CHEK2: variants seen among roughly 807,000 people sequenced by gnomAD.
CHEK2 encodes serine/threonine-protein kinase Chk2.
Under a neutral mutation model 69.1 loss-of-function variants are expected in CHEK2, and 71 were observed. The observed-to-expected ratio is 1.03, with a 90% confidence interval of 0.85 to 1.25. CHEK2 has a LOEUF of 1.25. CHEK2 is among the 50% of genes most tolerant of loss of function. CHEK2 has a pLI of 0.00. For missense variants in CHEK2, 664 were observed against 649.6 expected (o/e 1.02, Z -0.24); for synonymous variants, 189 against 226.9 (o/e 0.83, Z 1.50).
At chr22:28,740,266 C>G (rs2054518084) in intron 1 of CHEK2, among the ~76,000 whole-genome samples, 1 of 152,192 alleles carries the variant, frequency 6.6e-6, no homozygotes, top group Admixed American at 6.6e-5. Context: ...TTAGTCCTCA[C>G]AAGAAAATTC....
chr22:28,709,801 A>G (rs1358931204), intron 7 of CHEK2, among the ~76,000 whole-genome samples: 1 of 152,006 alleles, frequency 6.6e-6, no homozygotes, highest in African/African-American at 2.4e-5. Flanking sequence ...TATTTTTAGT[A>G]GACAGGGTTT....
At chr22:28,730,596 G>A (rs1245089433) in intron 2 of CHEK2, 8 of 647,528 alleles carry the variant, frequency 1.2e-5, no homozygotes, top group Admixed American at 2.1e-5. Flanking sequence ...GGTGGCTCAT[G>A]CCTGTAATCC....
chr22:28,722,869 G>C (rs1421686806), intron 4 of CHEK2, among the ~76,000 whole-genome samples: 2 of 152,014 alleles, frequency 1.3e-5, no homozygotes, highest in African/African-American at 4.8e-5. Context: ...GACTCATGCC[G>C]CAGCCCCTAG....
At chr22:28,699,368 T>C (rs905253223) in intron 9 of CHEK2, among the ~76,000 whole-genome samples, 25 of 137,944 alleles carry the variant, frequency 1.8e-4, no homozygotes, top group Admixed American at 6.6e-4. Flanking sequence ...TTTTCTTTTT[T>C]TTTTTTTTTT....
In CHEK2 at chr22:28,687,887, A is replaced by C. The variant is rs2052178966; in HGVS notation, c.*10T>G. ...GAAGGTACATTTCTTTCGTGTTCAA[A>C]CCACGGAGTTCACAACACAGCAGCA... On this transcript the variant is annotated 3_prime_UTR_variant, in exon 15 of 15. Transcript: ENST00000404276. 5 of 1,592,934 alleles carry C rather than the reference A, an allele frequency of 3.1e-6. No homozygotes were observed. Among genetic ancestry groups the C allele is most frequent in the Non-Finnish European group, 4.2e-6 (5 of 1,176,558 alleles).
At chr22:28,712,930 A>G (rs1456213163) in intron 5 of CHEK2, among the ~76,000 whole-genome samples, 5 of 152,274 alleles carry the variant, frequency 3.3e-5, no homozygotes, top group African/African-American at 9.6e-5. Context: ...CATTAGCTCA[A>G]ATGGAAACCC....
chr22:28,701,896 C>T (rs2052865635), intron 8 of CHEK2, among the ~76,000 whole-genome samples: 1 of 151,988 alleles, frequency 6.6e-6, no homozygotes, highest in Admixed American at 6.6e-5. Flanking sequence ...ATGCTCAAGC[C>T]CTTTATATAA....
chr22:28,735,709 CCGTG>C (rs1252800743), intron 1 of CHEK2, among the ~76,000 whole-genome samples: 1 of 151,584 alleles, frequency 6.6e-6, no homozygotes, highest in African/African-American at 2.4e-5. Context: ...CAGTCAAACC[CCGTG>C]TCCACTAAAA....
At position 28,698,651 on chromosome 22, in the gene CHEK2, AG is replaced by A. The variant is rs568019006; in HGVS notation, c.1008+1186del. On this transcript the variant is annotated intron_variant, in intron 9 of 14. Transcript: ENST00000404276. Reference sequence around the variant, plus strand: ...AGTGGGTTTTCAAGAAGAGACTGGAAGGGAATGGCCACAACCACATTTGGTC... The same window carrying A: ...AGTGGGTTTTCAAGAAGAGACTGGAAGGAATGGCCACAACCACATTTGGTC... Among the ~76,000 whole-genome samples the A allele has an allele frequency of 1.6e-4, 25 of 152,326 alleles. No homozygotes were observed. The South Asian group carries it at 4.8e-3, about 29-fold the overall frequency.
intron 5 of CHEK2, among the ~76,000 whole-genome samples, chr22:28,718,296 G>A (rs1376182166): frequency 6.6e-6 from 1 of 152,134 alleles, no homozygotes; most frequent in Middle Eastern, 3.2e-3. Flanking sequence ...GAGAGGATGT[G>A]AAGAAAAGAG....
intron 6 of CHEK2, among the ~76,000 whole-genome samples, chr22:28,710,734 G>C (rs189441871): frequency 1.3e-5 from 2 of 152,294 alleles, no homozygotes; most frequent in Admixed American, 6.5e-5. Context: ...ACATATTTAT[G>C]TAAAATGAAC....
intron 1 of CHEK2, among the ~76,000 whole-genome samples, chr22:28,738,773 C>T (rs2054484068): frequency 6.6e-6 from 1 of 152,132 alleles, no homozygotes; most frequent in South Asian, 2.1e-4. Flanking sequence ...CTCAAAAGCA[C>T]AGGCAACTAA....
chr22:28,690,194 A>G (rs969403013), intron 13 of CHEK2, among the ~76,000 whole-genome samples: 65 of 152,194 alleles, frequency 4.3e-4, no homozygotes, highest in Non-Finnish European at 8.8e-4. Flanking sequence ...ATGGATATGG[A>G]AATTTTACAA....
intron 10 of CHEK2, among the ~76,000 whole-genome samples, chr22:28,696,369 T>C (rs1227410776): frequency 6.6e-6 from 1 of 152,186 alleles, no homozygotes; most frequent in African/African-American, 2.4e-5. Flanking sequence ...ATGTGATTAC[T>C]CATTCATTCA....
rs10694007 is a variant in CHEK2, at chr22:28,708,363, ATGTG to A, written c.846+1639_846+1642del. 1.9e-3 allele frequency among the ~76,000 whole-genome samples: 270 copies of A among 139,744 alleles called. 5 individuals are homozygous for A. Among genetic ancestry groups the A allele is most frequent in the Middle Eastern group, 0.01 (3 of 292 alleles). 91.7% of individuals were successfully genotyped at this position (139,744 alleles called of 152,430 possible). A position where few individuals can be genotyped will look rare whatever the true frequency, so the allele number is the denominator to read the frequency against. ...ACAGAGACAGACTGTCTCTAAAAAT[ATGTG>A]TGTGTGTGTGTGTGTGTGTGTGTGT... is the stretch of plus-strand genomic sequence containing the variant. On this transcript the variant is annotated intron_variant, in intron 7 of 14. Transcript: ENST00000404276.
At chr22:28,737,273 A>G (rs1407952854) in intron 1 of CHEK2, 1 of 475,304 alleles carries the variant, frequency 2.1e-6, no homozygotes, top group East Asian at 5.8e-5. Context: ...AGACGTTAGC[A>G]GCCTCAGCAT....
At chr22:28,712,209 A>T (rs2053428734) in intron 5 of CHEK2, 192 bp from the exon 6 acceptor site, 4 of 602,588 alleles carry the variant, frequency 6.6e-6, no homozygotes, top group Non-Finnish European at 8.9e-6. Context: ...AAAAACACTA[A>T]GTCAGCTCCA....
intron 9 of CHEK2, among the ~76,000 whole-genome samples, chr22:28,698,973 A>T (rs910428907): frequency 2.0e-5 from 3 of 152,004 alleles, no homozygotes; most frequent in Non-Finnish European, 2.9e-5. Context: ...CTCCAGAAAT[A>T]CCTCCAAGCT....
At chr22:28,730,712 G>C (rs2054188908) in intron 2 of CHEK2, among the ~76,000 whole-genome samples, 1 of 151,910 alleles carries the variant, frequency 6.6e-6, no homozygotes, top group Non-Finnish European at 1.5e-5. Context: ...ACAAAAATTA[G>C]CCAGGCATGG....
Sources: gnomAD v4.1 joint callset for allele counts (sites outside exome capture counted in the v4.1 genomes callset) on GRCh38, gnomAD v4.1.1 for gene constraint, MANE v1.5 for transcripts, NCBI Gene and HGNC (gene_info 2026-07-23, HGNC 2026-07-21) for gene names.